SHOC1: variants seen among roughly 807,000 people sequenced by gnomAD.
SHOC1 encodes shortage in chiasmata 1, also known as protein shortage in chiasmata 1 ortholog.
Under a neutral mutation model 179.2 loss-of-function variants are expected in SHOC1, and 136 were observed. The observed-to-expected ratio is 0.76, with a 90% CI of 0.66 to 0.87. SHOC1 has a LOEUF of 0.87. Among genes scored for constraint, SHOC1 ranks in the 40% least tolerant of loss-of-function variants. SHOC1 has a pLI of 0.00. For missense variants in SHOC1, 1,538 were observed against 1,700.8 expected (o/e 0.90, Z 1.68); for synonymous variants, 489 against 586.6 (o/e 0.83, Z 2.41).
At chr9:111,784,701 C>T (rs1318559345) in intron 3 of SHOC1, among the ~76,000 whole-genome samples, 1 of 152,084 alleles carries the variant, frequency 6.6e-6, no homozygotes, top group African/African-American at 2.4e-5. Flanking sequence ...AAACAACAAA[C>T]ATTCATTTCT....
At chr9:111,708,205 A>AT (rs202017385) in intron 18 of SHOC1, among the ~76,000 whole-genome samples, 42 of 139,198 alleles carry the variant, frequency 3.0e-4, no homozygotes, top group Non-Finnish European at 4.4e-4. Context: ...TTTATTTTTT[A>AT]TTTTTTATTT....
chr9:111,686,977 C>T (rs1271578723), intron 27 of SHOC1, 107 bp from the exon 28 acceptor site: 6 of 596,340 alleles, frequency 1.0e-5, no homozygotes, highest in Non-Finnish European at 1.6e-5. Flanking sequence ...TGAAGTTTTG[C>T]CCTTGTCGCC....
intron 6 of SHOC1, among the ~76,000 whole-genome samples, 194 bp from the exon 7 acceptor site, chr9:111,758,389 A>G (rs1027956468): frequency 1.3e-5 from 2 of 152,230 alleles, no homozygotes; most frequent in African/African-American, 4.8e-5. Context: ...TGAGGTCAGG[A>G]GTTCAAGACC....
chr9:111,753,334 T>C (rs1267375874), intron 8 of SHOC1, among the ~76,000 whole-genome samples: 1 of 152,158 alleles, frequency 6.6e-6, no homozygotes, highest in Non-Finnish European at 1.5e-5. Flanking sequence ...ATTCTGATAC[T>C]GAAACCAAAG....
At chr9:111,739,387 A>G (rs1833938322) in intron 11 of SHOC1, among the ~76,000 whole-genome samples, 2 of 152,142 alleles carry the variant, frequency 1.3e-5, no homozygotes, top group Non-Finnish European at 2.9e-5. Context: ...TCATGAATCC[A>G]TTACCACAAT....
At chr9:111,779,823 A>G (rs1835970032) in intron 4 of SHOC1, among the ~76,000 whole-genome samples, 1 of 152,196 alleles carries the variant, frequency 6.6e-6, no homozygotes, top group African/African-American at 2.4e-5. Context: ...TATGTACAGT[A>G]AAGTTTGAGA....
chr9:111,707,575 C>T (rs894168649), intron 19 of SHOC1, among the ~76,000 whole-genome samples: 1 of 151,984 alleles, frequency 6.6e-6, no homozygotes, highest in African/African-American at 2.4e-5. Flanking sequence ...TACAAATATA[C>T]TCTAAATAGG....
At chr9:111,758,277 A>C in intron 6 of SHOC1, 82 bp from the exon 7 acceptor site, 1 of 737,344 alleles carries the variant, frequency 1.4e-6, no homozygotes, top group Non-Finnish European at 2.2e-6. Flanking sequence ...ATAATCATTA[A>C]AATTAAAGTT....
At chr9:111,762,622 G>A (rs1287383888) in intron 5 of SHOC1, among the ~76,000 whole-genome samples, 3 of 152,076 alleles carry the variant, frequency 2.0e-5, no homozygotes, top group African/African-American at 7.2e-5. Context: ...TATTTAAGAT[G>A]TAGATATCTT....
chr9:111,686,752 C>T lies in SHOC1; in HGVS notation c.*18G>A. 1 of 1,522,800 alleles carries T rather than the reference C, an allele frequency of 6.6e-7. No homozygotes were observed. Among genetic ancestry groups the T allele is most frequent in the Non-Finnish European group, 9.1e-7 (1 of 1,098,052 alleles). 94.3% of individuals were successfully genotyped at this position (1,522,800 alleles called of 1,614,324 possible). A position where few individuals can be genotyped will look rare whatever the true frequency, so the allele number is the denominator to read the frequency against. On this transcript the variant is annotated 3_prime_UTR_variant, in exon 28 of 28. Transcript: ENST00000682961. The stretch of plus-strand genomic sequence containing the variant: ...AAAAACAGTGGAATATGGCATGTAA[C>T]ATTGCTCTTCTCCTCCTTCAAAAAA...
At chr9:111,710,092 C>T (rs1235738580) in intron 18 of SHOC1, among the ~76,000 whole-genome samples, 2 of 152,088 alleles carry the variant, frequency 1.3e-5, no homozygotes, top group African/African-American at 4.8e-5. Flanking sequence ...TCAGCACTTT[C>T]CTGATTTTTT....
chr9:111,697,805 C>T (rs1831773821), intron 24 of SHOC1, among the ~76,000 whole-genome samples: 1 of 152,202 alleles, frequency 6.6e-6, no homozygotes, highest in Non-Finnish European at 1.5e-5. Flanking sequence ...TACAGTCCCA[C>T]CAACGGTGTA....
At chr9:111,709,146 G>A (rs1832413183) in intron 18 of SHOC1, among the ~76,000 whole-genome samples, 1 of 152,184 alleles carries the variant, frequency 6.6e-6, no homozygotes, top group Non-Finnish European at 1.5e-5. Context: ...TTCGAGACCA[G>A]CCTGGCCAAC....
Position 111,758,780 on chromosome 9 carries a change from G to C in SHOC1, c.511C>G (p.Leu171Val), listed in dbSNP as rs866337609. Residue 171 changes from leucine (L) to valine (V), a missense_variant, in exon 6 of 28, where the codon CTC becomes GTC. Coordinates refer to ENST00000682961, the MANE Select transcript of SHOC1 (RefSeq NM_001378211.1). ...SRKHLPTLPT[L>V]LSRLKLFLVK... ...AAAAACAGTTTTAGTCTACTCAAGA[G>C]AGTAGGCAAAGTTGGTAGGTGTTTT... 2 of 1,600,288 alleles carry C rather than the reference G, an allele frequency of 1.2e-6. No individual in the cohort carries two copies. Among genetic ancestry groups the C allele is most frequent in the African/African-American group, 1.3e-5 (1 of 74,454 alleles).
rs1400405529 is a variant in SHOC1 at position 111,692,494 on chromosome 9, A to G, written c.3483T>C (p.Thr1161=). 1.9e-6 allele frequency: 3 copies of G among 1,567,926 alleles called. No homozygotes were observed. The highest frequency in any genetic ancestry group is 1.7e-6 in the Non-Finnish European group (2 of 1,155,790). The change falls in exon 27 of 28, where the codon ACT becomes ACC. Residue 1161 remains threonine (T), a synonymous_variant. Coordinates refer to ENST00000682961, the MANE Select transcript of SHOC1 (RefSeq NM_001378211.1). ...AAGAAGAACCAATCTTGAATAGGGA[A>G]GTGATGCTACAAAAATGCTAAAAAA... The part of the protein sequence containing the change: ...EKVLKHFCSI[T]SLFKIGSSSI...
chr9:111,705,418 T>G, intron 20 of SHOC1, 54 bp from the exon 21 acceptor site: 1 of 654,128 alleles, frequency 1.5e-6, no homozygotes, highest in Non-Finnish European at 2.2e-6. Context: ...CTCCCAGCTC[T>G]TTCTCTTTTT....
Position 111,706,754 on chromosome 9 carries a change from C to T in SHOC1, c.2559-8G>A. The T allele has an allele frequency of 6.5e-7, 1 of 1,548,944 alleles. No individual in the cohort carries two copies. On this transcript the variant is annotated splice_polypyrimidine_tract_variant and splice_region_variant and intron_variant, in intron 19 of 27. Coordinates refer to ENST00000682961, the MANE Select transcript of SHOC1 (RefSeq NM_001378211.1). Reference sequence around the variant, plus strand: ...ACTACACAGGAACTTGTACTAAAGACAAAAGAGAGCCAAGAAAATGGCATT... The same window carrying T: ...ACTACACAGGAACTTGTACTAAAGATAAAAGAGAGCCAAGAAAATGGCATT...
chr9:111,710,154 C>T (rs181375385), intron 18 of SHOC1, among the ~76,000 whole-genome samples: 164 of 152,174 alleles, frequency 1.1e-3, no homozygotes, highest in African/African-American at 3.8e-3. Context: ...TAGTCTCAGC[C>T]CCATAACTGT....
chr9:111,718,559 T>G (rs1251566094), intron 15 of SHOC1, among the ~76,000 whole-genome samples: 1 of 152,178 alleles, frequency 6.6e-6, no homozygotes, highest in Non-Finnish European at 1.5e-5. Context: ...AGAGCTGTCA[T>G]TTAAACTCAG....
Sources: gnomAD v4.1 joint callset for allele counts (sites outside exome capture counted in the v4.1 genomes callset) on GRCh38, gnomAD v4.1.1 for gene constraint, MANE v1.5 for transcripts, NCBI Gene and HGNC (gene_info 2026-07-23, HGNC 2026-07-21) for gene names.